EIF4EBP2: variants seen among roughly 807,000 people sequenced by gnomAD.
EIF4EBP2 encodes eukaryotic translation initiation factor 4E-binding protein 2.
A neutral mutation model predicts 10.3 loss-of-function variants in EIF4EBP2; 5 were observed. The observed-to-expected ratio is 0.48, with a 90% CI of 0.25 to 1.02. The LOEUF (loss-of-function observed/expected upper bound fraction) is 1.02, where lower values mean the gene tolerates loss of function less well. Among genes scored for constraint, EIF4EBP2 ranks in the 50% least tolerant of loss-of-function variants. The pLI is 0.15. For synonymous variants in EIF4EBP2, 67 were observed against 61.1 expected (o/e 1.10, Z -0.45); for missense variants, 188 against 162.2 (o/e 1.16, Z -0.86).
intron 1 of EIF4EBP2, among the ~76,000 whole-genome samples, chr10:70,404,910 T>A (rs1844952662): frequency 6.6e-6 from 1 of 152,242 alleles, no homozygotes; most frequent in Non-Finnish European, 1.5e-5. Context: ...TCGTAGATTG[T>A]GCAAATTAAT....
At chr10:70,409,996 G>C (rs1384661006) in intron 1 of EIF4EBP2, among the ~76,000 whole-genome samples, 2 of 152,184 alleles carry the variant, frequency 1.3e-5, no homozygotes, top group Non-Finnish European at 2.9e-5. Flanking sequence ...AGGAAGAAGG[G>C]AAAATAATCC....
chr10:70,415,927 C>T (rs1294592968), intron 1 of EIF4EBP2, among the ~76,000 whole-genome samples: 2 of 149,894 alleles, frequency 1.3e-5, no homozygotes. Context: ...TTTTGTGCTT[C>T]GAAGATCATG....
intron 1 of EIF4EBP2, among the ~76,000 whole-genome samples, chr10:70,418,336 A>G (rs1379213562): frequency 6.6e-6 from 1 of 152,226 alleles, no homozygotes; most frequent in Non-Finnish European, 1.5e-5. Flanking sequence ...TAAGTTGTGC[A>G]GTCTGTGGTA....
At position 70,425,434 on chromosome 10, in the gene EIF4EBP2, C is replaced by A. The variant is rs1474748179; in HGVS notation, c.*3687C>A. ...GACATATCTTAAAAGCACCACACCC[C>A]AACTGGGGATGAAAGTAGGTCAACA... On this transcript the variant is annotated 3_prime_UTR_variant, in exon 3 of 3. Coordinates refer to ENST00000373218, the MANE Select transcript of EIF4EBP2 (RefSeq NM_004096.5). 2.6e-5 allele frequency: 4 copies of A among 152,204 alleles called. No individual in the cohort carries two copies. Among genetic ancestry groups the A allele is most frequent in the Non-Finnish European group, 5.9e-5 (4 of 68,044 alleles). The allele number at this position is 152,204 out of a possible 1,614,324, so 9.4% of individuals were successfully genotyped here.
intron 1 of EIF4EBP2, among the ~76,000 whole-genome samples, chr10:70,411,817 A>G (rs185030805): frequency 6.6e-6 from 1 of 152,238 alleles, no homozygotes; most frequent in Non-Finnish European, 1.5e-5. Context: ...TAGTTGTTAT[A>G]TACACCCTTC....
At chr10:70,408,856 A>G (rs1480243892) in intron 1 of EIF4EBP2, among the ~76,000 whole-genome samples, 1 of 152,170 alleles carries the variant, frequency 6.6e-6, no homozygotes, top group Non-Finnish European at 1.5e-5. Flanking sequence ...TATATTTCAG[A>G]CTTGAAAACA....
In EIF4EBP2 at chr10:70,425,758, C is replaced by T. The variant is rs960463011; in HGVS notation, c.*4011C>T. 5 of 152,238 alleles carry T rather than the reference C, an allele frequency of 3.3e-5. No individual in the cohort carries two copies. Among genetic ancestry groups the T allele is most frequent in the Non-Finnish European group, 7.3e-5 (5 of 68,064 alleles). The allele number at this position is 152,238 out of a possible 1,614,324, so 9.4% of individuals were successfully genotyped here. A position where few individuals can be genotyped will look rare whatever the true frequency, so the allele number is the denominator to read the frequency against. On this transcript the variant is annotated 3_prime_UTR_variant, in exon 3 of 3. Coordinates refer to ENST00000373218, the MANE Select transcript of EIF4EBP2 (RefSeq NM_004096.5). ...AGGAACTGGGGCCTTCCAGCCGAGC[C>T]ACTAAACCTGTCTTATTTGGAATGG...
chr10:70,421,631 T>G, intron 2 of EIF4EBP2, 85 bp from the exon 3 acceptor site: 1 of 1,209,044 alleles, frequency 8.3e-7, no homozygotes, highest in Non-Finnish European at 1.2e-6. Flanking sequence ...TTACTTTTTG[T>G]CTCTCATTTA....
At position 70,426,793 on chromosome 10, in the gene EIF4EBP2, C is replaced by T. The variant is rs994097818; in HGVS notation, c.*5046C>T. On this transcript the variant is annotated 3_prime_UTR_variant, in exon 3 of 3. Coordinates refer to ENST00000373218, the MANE Select transcript of EIF4EBP2 (RefSeq NM_004096.5). ...TTATTTTGAGGTGGATTGGTCTTCT[C>T]TTTTTTTGGGTTTCCAGCTCACTGG... 1.2e-4 allele frequency: 18 copies of T among 152,132 alleles called. No individual in the cohort carries two copies. Among genetic ancestry groups the T allele is most frequent in the African/African-American group, 4.1e-4 (17 of 41,430 alleles). The allele number at this position is 152,132 out of a possible 1,614,324, so 9.4% of individuals were successfully genotyped here. A position where few individuals can be genotyped will look rare whatever the true frequency, so the allele number is the denominator to read the frequency against.
chr10:70,409,582 G>A lies in EIF4EBP2; in HGVS notation c.145+5036G>A, dbSNP rs574419393. 3.3e-5 allele frequency among the ~76,000 whole-genome samples: 5 copies of A among 152,202 alleles called. No individual in the cohort carries two copies. In the East Asian group the frequency reaches 9.6e-4, roughly 29 times the overall value. Reference sequence around the variant, plus strand: ...CACTATTCCAGTTTTTTCCTCTACTGTTTTGAGATGCTTATCTTACTAGGA... The same window carrying A: ...CACTATTCCAGTTTTTTCCTCTACTATTTTGAGATGCTTATCTTACTAGGA... On this transcript the variant is annotated intron_variant, in intron 1 of 2. Transcript: ENST00000373218.
chr10:70,419,620 G>A (rs1845133880), intron 1 of EIF4EBP2, among the ~76,000 whole-genome samples: 1 of 151,508 alleles, frequency 6.6e-6, no homozygotes, highest in Admixed American at 6.6e-5. Flanking sequence ...TGTGTAAGAT[G>A]GAGAGGAAGA....
intron 1 of EIF4EBP2, among the ~76,000 whole-genome samples, chr10:70,406,179 T>C (rs1188071468): frequency 6.6e-6 from 1 of 152,100 alleles, no homozygotes; most frequent in African/African-American, 2.4e-5. Context: ...TCTGGGTTTC[T>C]CCATGTTGCC....
rs551039881 is a variant in EIF4EBP2, at chr10:70,406,971, C to T, written c.145+2425C>T. Among the ~76,000 whole-genome samples, 8 of 152,302 alleles carry T rather than the reference C, an allele frequency of 5.3e-5. No individual in the cohort carries two copies. The South Asian group carries it at 1.7e-3, about 32-fold the overall frequency. ...GGAGTGCAGTGGCGCGATCTCGGCT[C>T]ACTGCAAGCTCTGCCTCCTGGGTTC... On this transcript the variant is annotated intron_variant, in intron 1 of 2. Coordinates refer to ENST00000373218, the MANE Select transcript of EIF4EBP2 (RefSeq NM_004096.5).
chr10:70,405,603 C>T (rs138066087), intron 1 of EIF4EBP2, among the ~76,000 whole-genome samples: 5 of 152,200 alleles, frequency 3.3e-5, no homozygotes, highest in African/African-American at 1.2e-4. Flanking sequence ...GTGGGGACTT[C>T]GCAGCTCCTG....
chr10:70,420,701 G>A (rs888223275), intron 2 of EIF4EBP2, among the ~76,000 whole-genome samples: 1 of 152,182 alleles, frequency 6.6e-6, no homozygotes, highest in Admixed American at 6.5e-5. Context: ...TCCTGGCCTA[G>A]GCTTCATTGG....
Position 70,410,978 on chromosome 10 carries a change from T to C in EIF4EBP2, c.145+6432T>C, listed in dbSNP as rs80331737. ...GCTGCCCTAGCAGTGTTGGTTTGTA[T>C]GTATGTATTTATAAGATATTTTGTA... is the stretch of plus-strand genomic sequence containing the variant. On this transcript the variant is annotated intron_variant, in intron 1 of 2. Coordinates refer to ENST00000373218, the MANE Select transcript of EIF4EBP2 (RefSeq NM_004096.5). Among the ~76,000 whole-genome samples the C allele has an allele frequency of 2.5e-3, 385 of 152,364 alleles. 2 individuals are homozygous for C. Among genetic ancestry groups the C allele is most frequent in the Non-Finnish European group, 3.1e-3 (209 of 68,038 alleles).
Position 70,424,161 on chromosome 10 carries a change from A to G in EIF4EBP2, c.*2414A>G, listed in dbSNP as rs1333555192. On this transcript the variant is annotated 3_prime_UTR_variant, in exon 3 of 3. Transcript: ENST00000373218. The stretch of plus-strand genomic sequence containing the variant: ...TGGCTTCCTCACTGAACGGTGAGGA[A>G]TGGATTTAAAGCATGAGCTTTAGTA... 6.6e-6 allele frequency: 1 copy of G among 152,164 alleles called. No homozygotes were observed. The highest frequency in any genetic ancestry group is 1.5e-5 in the Non-Finnish European group (1 of 68,018). The allele number at this position is 152,164 out of a possible 1,614,324, so 9.4% of individuals were successfully genotyped here.
chr10:70,408,336 A>T (rs979948477), intron 1 of EIF4EBP2, among the ~76,000 whole-genome samples: 12 of 152,002 alleles, frequency 7.9e-5, no homozygotes, highest in African/African-American at 2.9e-4. Context: ...GGATGGTCTT[A>T]ATCTTCTGAC....
intron 1 of EIF4EBP2, among the ~76,000 whole-genome samples, chr10:70,407,137 G>C (rs1486075990): frequency 2.6e-5 from 3 of 117,222 alleles, no homozygotes; most frequent in Non-Finnish European, 5.6e-5. Context: ...TGTTGTTGTT[G>C]ATCATTCTTG....
Sources: allele counts gnomAD v4.1 joint callset (sites outside exome capture counted in the v4.1 genomes callset), GRCh38; gene constraint gnomAD v4.1.1; transcripts MANE v1.5; gene names NCBI Gene and HGNC (gene_info 2026-07-23, HGNC 2026-07-21).